Variants in NBAS observed in about 807,000 individuals in gnomAD.
NBAS encodes the protein NAG/BC035112 fusion.
A neutral mutation model predicts 302.5 loss-of-function variants in NBAS; 219 were observed. That is an observed-to-expected ratio of 0.72 (90% CI 0.65 to 0.81). The LOEUF (loss-of-function observed/expected upper bound fraction) is 0.81. Ranked by LOEUF, NBAS falls within the 30% of genes least tolerant of loss-of-function variation. NBAS has a pLI of 0.00. For synonymous variants in NBAS, 1,118 were observed against 1,021.6 expected (o/e 1.09, Z -1.80); for missense variants, 2,932 against 2,841.6 (o/e 1.03, Z -0.72).
At chr2:15,381,878 G>A (rs552577526) in intron 29 of NBAS, among the ~76,000 whole-genome samples, 15 of 152,092 alleles carry the variant, frequency 9.9e-5, no homozygotes, top group South Asian at 2.1e-4. Context: ...TGTTAAAATC[G>A]CCCTGAATTC....
chr2:15,547,235 ACT>A (rs1204320077), intron 6 of NBAS, among the ~76,000 whole-genome samples: 6 of 152,122 alleles, frequency 3.9e-5, no homozygotes, highest in Non-Finnish European at 7.3e-5. Context: ...CAGTTTGTAG[ACT>A]CTGCAATATG....
chr2:15,066,062 C>A, the NBAS span, among the ~76,000 whole-genome samples: 1 of 130,592 alleles, frequency 7.7e-6, no homozygotes. Context: ...GAATAAATAG[C>A]CCAGAAATAA....
the NBAS span, among the ~76,000 whole-genome samples, chr2:15,015,333 C>T: frequency 6.6e-6 from 1 of 151,828 alleles, no homozygotes; most frequent in Non-Finnish European, 1.5e-5. Flanking sequence ...CACACACATG[C>T]ACAAAAGAAA....
At chr2:15,127,173 G>A in the NBAS span, among the ~76,000 whole-genome samples, 1 of 152,138 alleles carries the variant, frequency 6.6e-6, no homozygotes, top group Non-Finnish European at 1.5e-5. Flanking sequence ...TTTTGCACTG[G>A]ACTGCAAATT....
intron 25 of NBAS, among the ~76,000 whole-genome samples, chr2:15,405,443 T>A (rs545883755): frequency 3.9e-5 from 6 of 152,312 alleles, no homozygotes; most frequent in Admixed American, 3.9e-4. Context: ...GACACACTTT[T>A]TTTTCATTAT....
intron 41 of NBAS, among the ~76,000 whole-genome samples, chr2:15,290,518 C>A (rs1670260405): frequency 6.6e-6 from 1 of 152,158 alleles, no homozygotes; most frequent in African/African-American, 2.4e-5. Context: ...CACGCCCTGC[C>A]TTATGAGTTT....
At chr2:15,075,123 CT>C in the NBAS span, among the ~76,000 whole-genome samples, 1 of 152,150 alleles carries the variant, frequency 6.6e-6, no homozygotes. Context: ...TTCATAGTGC[CT>C]TTTTGGTAAT....
At chr2:15,100,232 A>C in the NBAS span, among the ~76,000 whole-genome samples, 1 of 152,184 alleles carries the variant, frequency 6.6e-6, no homozygotes, top group Non-Finnish European at 1.5e-5. Context: ...ATGAAAGAAA[A>C]GTTTTATTGA....
At chr2:15,449,773 C>G (rs1053877912) in intron 21 of NBAS, among the ~76,000 whole-genome samples, 2 of 152,188 alleles carry the variant, frequency 1.3e-5, no homozygotes, top group Non-Finnish European at 2.9e-5. Flanking sequence ...GATTCAGGAA[C>G]TGCCAGCATA....
intron 31 of NBAS, among the ~76,000 whole-genome samples, chr2:15,372,825 A>G (rs559626760): frequency 2.6e-5 from 4 of 152,312 alleles, no homozygotes; most frequent in Admixed American, 2.0e-4. Context: ...CCAGCAAAAA[A>G]TCCTGCTAAT....
chr2:15,166,977 C>T lies in NBAS; in HGVS notation c.*71G>A, dbSNP rs968309210. ...CCATGGAGAACAATCGGCAGATACACATGTTGCTTCTGGGAACAGCATTCA... is the reference window on the plus strand; with the variant it reads ...CCATGGAGAACAATCGGCAGATACATATGTTGCTTCTGGGAACAGCATTCA... On this transcript the variant is annotated 3_prime_UTR_variant, in exon 52 of 52. Coordinates refer to ENST00000281513, the MANE Select transcript of NBAS (RefSeq NM_015909.4). 5.4e-6 allele frequency: 8 copies of T among 1,482,012 alleles called. No individual in the cohort carries two copies. The highest frequency in any genetic ancestry group is 6.3e-6 in the Non-Finnish European group (7 of 1,109,010). The allele number at this position is 1,482,012 out of a possible 1,614,324, so 91.8% of individuals were successfully genotyped here.
intron 45 of NBAS, among the ~76,000 whole-genome samples, chr2:15,235,828 T>C (rs1383114601): frequency 6.6e-6 from 1 of 152,194 alleles, no homozygotes; most frequent in Non-Finnish European, 1.5e-5. Flanking sequence ...GTTCTGCCCA[T>C]TGTGAAATTC....
chr2:15,270,121 A>T (rs1169030321), intron 44 of NBAS, among the ~76,000 whole-genome samples: 1 of 152,330 alleles, frequency 6.6e-6, no homozygotes, highest in African/African-American at 2.4e-5. Flanking sequence ...TATGCTATTC[A>T]TGTCAACCTA....
At position 15,225,429 on chromosome 2, in the gene NBAS, G is replaced by A. The variant is rs540558301; in HGVS notation, c.6237-6461C>T. On this transcript the variant is annotated intron_variant, in intron 47 of 51. Coordinates refer to ENST00000281513, the MANE Select transcript of NBAS (RefSeq NM_015909.4). ...CACTGCAGGTGCTCAGAGAACACTG[G>A]ATGATCTACTTTGCCTCACAGAGCA... Among the ~76,000 whole-genome samples, 4 of 152,178 alleles carry A rather than the reference G, an allele frequency of 2.6e-5. No homozygotes were observed. The South Asian group carries it at 8.3e-4, about 32-fold the overall frequency.
the NBAS span, among the ~76,000 whole-genome samples, chr2:14,950,494 T>C: frequency 6.6e-6 from 1 of 152,244 alleles, no homozygotes; most frequent in South Asian, 2.1e-4. Flanking sequence ...ACAAATTTTA[T>C]GAATGTATTA....
the NBAS span, among the ~76,000 whole-genome samples, chr2:15,112,539 C>T: frequency 3.3e-5 from 5 of 152,020 alleles, no homozygotes; most frequent in Non-Finnish European, 5.9e-5. Flanking sequence ...TACACATATG[C>T]AAAACTGCAT....
chr2:15,369,720 C>T (rs570004332), intron 31 of NBAS, among the ~76,000 whole-genome samples: 2 of 152,158 alleles, frequency 1.3e-5, no homozygotes, highest in Non-Finnish European at 2.9e-5. Flanking sequence ...TAGGCATGTA[C>T]GTACCTTTTA....
the NBAS span, among the ~76,000 whole-genome samples, chr2:14,865,925 T>C: frequency 6.6e-6 from 1 of 152,140 alleles, no homozygotes; most frequent in Non-Finnish European, 1.5e-5. Flanking sequence ...AAACTGAAGA[T>C]CTCATTCACT....
chr2:15,400,944 A>G (rs1245220014), intron 26 of NBAS, among the ~76,000 whole-genome samples: 2 of 152,178 alleles, frequency 1.3e-5, no homozygotes, highest in African/African-American at 4.8e-5. Context: ...GCAAATTAGA[A>G]GTTCAACCTA....
Sources: allele counts gnomAD v4.1 joint callset (sites outside exome capture counted in the v4.1 genomes callset), GRCh38; gene constraint gnomAD v4.1.1; transcripts MANE v1.5; gene names NCBI Gene and HGNC (gene_info 2026-07-23, HGNC 2026-07-21).